Variants in SEZ6L observed in about 807,000 individuals in gnomAD.
The protein encoded by SEZ6L is seizure 6-like protein.
A neutral mutation model predicts 106.2 loss-of-function variants in SEZ6L; 37 were observed. The observed-to-expected ratio is 0.35, with a 90% CI of 0.27 to 0.46. The LOEUF (loss-of-function observed/expected upper bound fraction) is 0.46, where lower values mean the gene tolerates loss of function less well. SEZ6L is among the 20% of genes least tolerant of loss of function. The probability of loss-of-function intolerance (pLI) is 1.00; values close to 1 mark genes in which losing one functional copy is unlikely to be tolerated. For synonymous variants in SEZ6L, 541 were observed against 570.4 expected (o/e 0.95, Z 0.73); for missense variants, 1,172 against 1,332.8 (o/e 0.88, Z 1.88).
intron 11 of SEZ6L, among the ~76,000 whole-genome samples, chr22:26,348,656 A>G (rs1418053375): frequency 2.1e-5 from 1 of 46,640 alleles, no homozygotes; most frequent in Non-Finnish European, 4.2e-5. Flanking sequence ...AAAAGAAAGA[A>G]AGAAAGAAAG....
intron 1 of SEZ6L, among the ~76,000 whole-genome samples, chr22:26,181,904 C>T (rs974516816): frequency 7.9e-5 from 12 of 152,178 alleles, no homozygotes; most frequent in Non-Finnish European, 1.2e-4. Context: ...ATTTTGAGCT[C>T]AGGACCTAGA....
At chr22:26,304,369 G>GAAGAAAGAAAGAAAGAAAGAAAGA (rs35971247) in intron 5 of SEZ6L, among the ~76,000 whole-genome samples, 5 of 98,302 alleles carry the variant, frequency 5.1e-5, no homozygotes, top group South Asian at 3.3e-4. Flanking sequence ...AAAAAAGAAA[G>GAAGAAAGAAAGAAAGAAAGAAAGA]AAGAAAGAAA....
intron 6 of SEZ6L, among the ~76,000 whole-genome samples, chr22:26,308,988 A>C (rs1365232465): frequency 6.6e-6 from 1 of 152,202 alleles, no homozygotes; most frequent in East Asian, 1.9e-4. Context: ...CCTGGACTCT[A>C]CCACAGCCCC....
intron 6 of SEZ6L, among the ~76,000 whole-genome samples, chr22:26,307,394 A>G (rs553780808): frequency 6.6e-6 from 1 of 152,240 alleles, no homozygotes; most frequent in African/African-American, 2.4e-5. Flanking sequence ...TTGGAGTCCA[A>G]GAAACTTTGA....
At chr22:26,310,274 G>A (rs1280824922) in intron 6 of SEZ6L, among the ~76,000 whole-genome samples, 10 of 152,172 alleles carry the variant, frequency 6.6e-5, no homozygotes, top group South Asian at 2.1e-4. Context: ...GGTGGCTCAC[G>A]CCTGTAATCC....
chr22:26,309,642 G>C (rs632740), intron 6 of SEZ6L, among the ~76,000 whole-genome samples: 1 of 151,876 alleles, frequency 6.6e-6, no homozygotes, highest in South Asian at 2.1e-4. Flanking sequence ...GCAGTGGCTC[G>C]ATCTCGGCTC....
intron 5 of SEZ6L, among the ~76,000 whole-genome samples, chr22:26,304,374 AAG>A (rs1193107738): frequency 2.1e-5 from 1 of 48,192 alleles, no homozygotes; most frequent in Non-Finnish European, 4.4e-5. Flanking sequence ...AGAAAGAAGA[AAG>A]AAAGAAAGAA....
intron 1 of SEZ6L, among the ~76,000 whole-genome samples, chr22:26,265,492 G>A (rs140927144): frequency 3.3e-5 from 5 of 152,234 alleles, no homozygotes; most frequent in East Asian, 3.9e-4. Context: ...TAATTGAGAC[G>A]ATTACATATT....
chr22:26,335,378 A>G (rs2082614306), intron 9 of SEZ6L, among the ~76,000 whole-genome samples: 2 of 152,172 alleles, frequency 1.3e-5, no homozygotes, highest in African/African-American at 4.8e-5. Context: ...TATAACCCTA[A>G]GTATCATTCA....
At chr22:26,271,197 T>A (rs372070402) in intron 1 of SEZ6L, among the ~76,000 whole-genome samples, 2 of 152,192 alleles carry the variant, frequency 1.3e-5, no homozygotes, top group East Asian at 3.8e-4. Context: ...TCGTAATTAT[T>A]CGTAGTATGT....
rs544373968 is a variant in SEZ6L at position 26,223,668 on chromosome 22, T to G, written c.94+53905T>G. On this transcript the variant is annotated intron_variant, in intron 1 of 16. Coordinates refer to ENST00000248933, the MANE Select transcript of SEZ6L (RefSeq NM_021115.5). ...CTCCTCCAAAATGTGGAGATAACAA[T>G]AGAACCCACTTAAAAGGATTATTGT... Among the ~76,000 whole-genome samples the G allele has an allele frequency of 2.6e-5, 4 of 152,294 alleles. No individual in the cohort carries two copies. In the East Asian group the frequency reaches 7.7e-4, roughly 29 times the overall value.
At chr22:26,258,702 A>T (rs1487863117) in intron 1 of SEZ6L, among the ~76,000 whole-genome samples, 1 of 152,180 alleles carries the variant, frequency 6.6e-6, no homozygotes, top group East Asian at 1.9e-4. Context: ...TATCATATCT[A>T]TCTAGAAAAT....
chr22:26,307,679 C>T (rs138655107), intron 6 of SEZ6L, among the ~76,000 whole-genome samples: 63 of 147,318 alleles, frequency 4.3e-4, no homozygotes, highest in African/African-American at 1.5e-3. Context: ...AATCAGATTC[C>T]CTATCCTTTC....
chr22:26,214,937 C>CA (rs71804199), intron 1 of SEZ6L, among the ~76,000 whole-genome samples: 23 of 149,336 alleles, frequency 1.5e-4, no homozygotes, highest in South Asian at 6.4e-4. Context: ...TGGCATATGA[C>CA]AAAAAAAAAT....
intron 11 of SEZ6L, among the ~76,000 whole-genome samples, chr22:26,349,784 C>T (rs944862761): frequency 3.9e-5 from 6 of 152,226 alleles, no homozygotes; most frequent in Non-Finnish European, 7.3e-5. Flanking sequence ...CCGCACCCAG[C>T]AGATCCATTC....
chr22:26,313,489 A>C (rs969986003), intron 8 of SEZ6L, among the ~76,000 whole-genome samples: 39 of 152,012 alleles, frequency 2.6e-4, no homozygotes, highest in Admixed American at 2.0e-3. Flanking sequence ...CTTGGTCTTG[A>C]AAGAGCAATA....
rs1186898549 is a variant in SEZ6L, at chr22:26,294,348, C to A, written c.892C>A (p.Pro298Thr). Reference sequence around the variant, plus strand: ...GGGGTACATTGACTCCAGCGACTACCCACTGCTGCCCCTCAACAACTTTCT... The same window carrying A: ...GGGGTACATTGACTCCAGCGACTACACACTGCTGCCCCTCAACAACTTTCT... Reference protein sequence around the residue: ...PEGYIDSSDYPLLPLNNFLEC... With the variant: ...PEGYIDSSDYTLLPLNNFLEC... Residue 298 changes from proline (P) to threonine (T), a missense_variant, in exon 3 of 17, where the codon CCA (proline) becomes ACA (threonine). Physicochemically the swap from Pro to Thr is conservative, Grantham distance 38. Around this residue, in one of 4 missense-constraint regions of SEZ6L, gnomAD observed 494 missense variants for 445.8 expected, o/e 1.11. Coordinates refer to ENST00000248933, the MANE Select transcript of SEZ6L (RefSeq NM_021115.5). 8 of 1,613,926 alleles carry A rather than the reference C, an allele frequency of 5.0e-6. No individual in the cohort carries two copies. The highest frequency in any genetic ancestry group is 5.9e-6 in the Non-Finnish European group (7 of 1,179,936).
rs544791715 is a variant in SEZ6L, at chr22:26,234,951, G to A, written c.95-57455G>A. Among the ~76,000 whole-genome samples, 3 of 152,250 alleles carry A rather than the reference G, an allele frequency of 2.0e-5. No individual in the cohort carries two copies. In the East Asian group the frequency reaches 5.8e-4, roughly 29 times the overall value. The stretch of plus-strand genomic sequence containing the variant: ...TCAACAGGGTAGAGATACCCCCAAC[G>A]GCTGATACTGGGAGGAATTCAATAA... On this transcript the variant is annotated intron_variant, in intron 1 of 16. Coordinates refer to ENST00000248933, the MANE Select transcript of SEZ6L (RefSeq NM_021115.5).
At chr22:26,312,010 C>A in intron 8 of SEZ6L, 48 bp downstream of exon 8, 1 of 1,572,768 alleles carries the variant, frequency 6.4e-7, no homozygotes, top group Non-Finnish European at 8.7e-7. Context: ...GGGATCTCCA[C>A]CCTTTGGATG....
Sources: gnomAD v4.1 joint callset for allele counts (sites outside exome capture counted in the v4.1 genomes callset) on GRCh38, gnomAD v4.1.1 for gene constraint, gnomAD v4.1.1 regional missense constraint, MANE v1.5 for transcripts, NCBI Gene and HGNC (gene_info 2026-07-23, HGNC 2026-07-21) for gene names.